Variants in DUOX2 observed in about 807,000 individuals in gnomAD.
The protein encoded by DUOX2 is dual oxidase 2.
In DUOX2, 185 loss-of-function variants were observed where a neutral mutation model predicts 183.3. The observed-to-expected ratio is 1.01, with a 90% CI of 0.90 to 1.14. The LOEUF (loss-of-function observed/expected upper bound fraction) is 1.14, where lower values mean the gene tolerates loss of function less well. Ranked by LOEUF, DUOX2 falls within the 50% of genes most tolerant of loss-of-function variation. DUOX2 has a pLI of 0.00. For missense variants in DUOX2, 1,999 were observed against 2,022.9 expected, an observed-to-expected ratio of 0.99 and a Z score of 0.23; for synonymous variants, 788 against 812.4, an observed-to-expected ratio of 0.97 and a Z score of 0.51.
rs1162498631 is a variant in DUOX2 at position 45,104,048 on chromosome 15, G to C, written c.2566C>G (p.Pro856Ala). ...DILVVFMKGS[P>A]EDKSRLMFTM... is the part of the protein sequence containing the mutation. The stretch of plus-strand genomic sequence containing the variant: ...AACATTAGACGGGACTTATCCTCTG[G>C]GGAGCCTGGGAAGAAAAAAGGGAAT... The change falls in exon 20 of 34, where the codon CCA becomes GCA. Residue 856 changes from proline (P) to alanine (A), a missense_variant. By Grantham distance (27) the Pro-to-Ala change is conservative. Around this residue, in one of 3 missense-constraint regions of DUOX2, gnomAD observed 1,628 missense variants for 1,608.6 expected, o/e 1.01. Transcript: ENST00000389039. The C allele has an allele frequency of 6.2e-7, 1 of 1,613,966 alleles. No individual in the cohort carries two copies. The highest frequency in any genetic ancestry group is 8.5e-7 in the Non-Finnish European group (1 of 1,180,038).
intron 13 of DUOX2, 61 bp downstream of exon 13, chr15:45,107,986 A>T: frequency 6.2e-7 from 1 of 1,605,882 alleles, no homozygotes; most frequent in Non-Finnish European, 8.5e-7. Flanking sequence ...CTAAGGCTAG[A>T]CAGAGGGTCT....
chr15:45,106,062 C>A, intron 17 of DUOX2, 63 bp downstream of exon 17: 4 of 1,588,546 alleles, frequency 2.5e-6, no homozygotes, highest in Non-Finnish European at 3.4e-6. Context: ...ATAGGGTGGC[C>A]TCGCTTGTGA....
Position 45,112,897 on chromosome 15 carries a change from G to A in DUOX2, c.160+90C>T, listed in dbSNP as rs1268727090. 5 of 1,553,032 alleles carry A rather than the reference G, an allele frequency of 3.2e-6. No individual in the cohort carries two copies. In the South Asian group the frequency reaches 3.3e-5, roughly 10 times the overall value. On this transcript the variant is annotated intron_variant, in intron 3 of 33. Coordinates refer to ENST00000389039, the MANE Select transcript of DUOX2 (RefSeq NM_001363711.2). ...TGTAGGCAGCGGAGCTGCTGGGCGC[G>A]TGTTCCCCGCAGATTCCCCGCTCAG...
intron 21 of DUOX2, 52 bp downstream of exon 21, chr15:45,101,741 T>C (rs1393710928): frequency 1.2e-6 from 2 of 1,612,882 alleles, no homozygotes; most frequent in East Asian, 2.2e-5. Flanking sequence ...GGAACTCTCA[T>C]TTTGAGGACA....
Position 45,101,822 on chromosome 15 carries a change from C to G in DUOX2, c.2822G>C (p.Cys941Ser). 1.2e-6 allele frequency: 2 copies of G among 1,614,252 alleles called. No individual in the cohort carries two copies. The highest frequency in any genetic ancestry group is 8.5e-7 in the Non-Finnish European group (1 of 1,180,052). ...TCCACCTCCACCTCCACCTTTGACA[C>G]AGAGCTGCGTGAAGCGGAGCTCGCT... ...HDSELRFTQL[C>S]VKGGGGGGNG... The change falls in exon 21 of 34, where the codon TGT (cysteine) becomes TCT (serine). Residue 941 changes from cysteine to serine, a missense_variant. By Grantham distance (112) the Cys-to-Ser change is moderately radical (BLOSUM62 -1). This residue lies in a region of DUOX2 where 1,628 missense variants were observed against 1,608.6 expected (regional missense o/e 1.01). Transcript: ENST00000389039.
Position 45,106,189 on chromosome 15 carries a change from A to G in DUOX2, c.2084T>C (p.Leu695Pro). The change falls in exon 17 of 34, where the codon CTC becomes CCC. Residue 695 changes from leucine to proline, a missense_variant. Physicochemically the swap from Leu to Pro is moderately conservative, Grantham distance 98 (BLOSUM62 -3). Transcript: ENST00000389039. ...VQLQPLQQVN[L>P]ILSNNRGCRT... is the part of the protein sequence containing the mutation. ...GCATCCTCGGTTGTTGGACAGGATGAGGTTGACCTGCTGCAGAGGCTGCAG... is the reference window on the plus strand; with the variant it reads ...GCATCCTCGGTTGTTGGACAGGATGGGGTTGACCTGCTGCAGAGGCTGCAG... The G allele has an allele frequency of 6.2e-7, 1 of 1,614,190 alleles. No homozygotes were observed. The highest frequency in any genetic ancestry group is 2.2e-5 in the East Asian group (1 of 44,874).
chr15:45,100,079 C>G lies in DUOX2; in HGVS notation c.3155G>C (p.Cys1052Ser). Reference protein sequence around the residue: ...IVCVAIFSAICVGVFADRAYY... With the variant: ...IVCVAIFSAISVGVFADRAYY... ...AGCACGATCTGCAAACACGCCAACA[C>G]AGATGGCCGAGAAGATTGCCACACA... is the stretch of plus-strand genomic sequence containing the variant. Residue 1052 changes from cysteine (C) to serine (S), a missense_variant, in exon 24 of 34, where the codon TGT becomes TCT. By Grantham distance (112) the Cys-to-Ser change is moderately radical. Around this residue, in one of 3 missense-constraint regions of DUOX2, gnomAD observed 1,628 missense variants for 1,608.6 expected, o/e 1.01. Coordinates refer to ENST00000389039, the MANE Select transcript of DUOX2 (RefSeq NM_001363711.2). 1 of 1,614,256 alleles carries G rather than the reference C, an allele frequency of 6.2e-7. No individual in the cohort carries two copies. The highest frequency in any genetic ancestry group is 8.5e-7 in the Non-Finnish European group (1 of 1,180,054).
rs760374437 is a variant in DUOX2, at chr15:45,094,225, C to A, written c.4572G>T (p.Lys1524Asn). 6.8e-6 allele frequency: 11 copies of A among 1,614,008 alleles called. No individual in the cohort carries two copies. The South Asian group carries it at 9.9e-5, about 14-fold the overall frequency. The change falls in exon 34 of 34, where the codon AAG becomes AAT. Residue 1524 changes from lysine to asparagine, a missense_variant. By Grantham distance (94) the Lys-to-Asn change is moderately conservative. Around this residue, in one of 3 missense-constraint regions of DUOX2, gnomAD observed 1,628 missense variants for 1,608.6 expected, o/e 1.01. Coordinates refer to ENST00000389039, the MANE Select transcript of DUOX2 (RefSeq NM_001363711.2). ...VFSCGPPGMT[K>N]NVEKACQLVN... ...CGAGCTGACAGGCCTTCTCTACATT[C>A]TTGGTCATTCCTGGAGGGCCGCAGC... is the stretch of plus-strand genomic sequence containing the variant.
intron 21 of DUOX2, 113 bp from the exon 22 acceptor site, chr15:45,101,387 G>C: frequency 1.1e-6 from 1 of 939,008 alleles, no homozygotes; most frequent in Non-Finnish European, 1.7e-6. Flanking sequence ...TCTGACTCGA[G>C]TCCTGTTTCC....
intron 24 of DUOX2, 32 bp downstream of exon 24, chr15:45,100,018 C>T (rs756290628): frequency 1.9e-6 from 3 of 1,614,142 alleles, no homozygotes; most frequent in Non-Finnish European, 2.5e-6. Flanking sequence ...GAGCCTGCTC[C>T]CTACCCACTG....
In DUOX2 at chr15:45,104,414, T is replaced by C. The variant is rs80095330; in HGVS notation, c.2335-49A>G. Reference sequence around the variant, plus strand: ...GAGGGAAAGAGAAGGAGGTGAAGCCTATGCTGGAAGCAGTTCAGTGACCCT... The same window carrying C: ...GAGGGAAAGAGAAGGAGGTGAAGCCCATGCTGGAAGCAGTTCAGTGACCCT... On this transcript the variant is annotated intron_variant, in intron 18 of 33. Coordinates refer to ENST00000389039, the MANE Select transcript of DUOX2 (RefSeq NM_001363711.2). 6,830 of 1,591,072 alleles carry C rather than the reference T, an allele frequency of 4.3e-3. 324 individuals carry two copies. The African/African-American group carries it at 0.084, about 20-fold the overall frequency.
intron 20 of DUOX2, among the ~76,000 whole-genome samples, chr15:45,103,621 C>A (rs918645469): frequency 2.6e-5 from 4 of 152,042 alleles, no homozygotes; most frequent in Non-Finnish European, 5.9e-5. Context: ...CGGTGTTGGG[C>A]GTGCCGTAAA....
Position 45,105,796 on chromosome 15 carries a change from GC to G in DUOX2, c.2180del (p.Gly727AlafsTer23), listed in dbSNP as rs749427617. 13 of 1,614,200 alleles carry G rather than the reference GC, an allele frequency of 8.1e-6. No individual in the cohort carries two copies. In the East Asian group the frequency reaches 1.6e-4, roughly 19 times the overall value. On this transcript the variant is annotated frameshift_variant, in exon 18 of 34. Coordinates refer to ENST00000389039, the MANE Select transcript of DUOX2 (RefSeq NM_001363711.2). LOFTEE classifies it high-confidence loss of function. The stretch of plus-strand genomic sequence containing the variant: ...AGTCCCATAGCTGCTGCACAAAGGC[GC>G]CCCGTTCCTCTTCAGAACTAAACAG... ...VLLFSSEEERGAFVQQLWDFC... is the reference protein window; with the variant it reads ...VLLFSSEEERXAFVQQLWDFC...
At chr15:45,103,460 G>A (rs528885333) in intron 20 of DUOX2, among the ~76,000 whole-genome samples, 1 of 152,058 alleles carries the variant, frequency 6.6e-6, no homozygotes, top group African/African-American at 2.4e-5. Context: ...TTTTTTACCG[G>A]CACAACAAAA....
intron 18 of DUOX2, among the ~76,000 whole-genome samples, chr15:45,105,432 A>G (rs1894185852): frequency 6.6e-6 from 1 of 152,246 alleles, no homozygotes. Context: ...ACTGTTTTAT[A>G]GATGAGGAAA....
rs1010108130 is a variant in DUOX2 at position 45,093,932 on chromosome 15, T to A, written c.*218A>T. Reference sequence around the variant, plus strand: ...TGCCGTTGATAAACAGGTGGACTTATAATCATCATGCACTGCAATTGTAGA... The same window carrying A: ...TGCCGTTGATAAACAGGTGGACTTAAAATCATCATGCACTGCAATTGTAGA... On this transcript the variant is annotated 3_prime_UTR_variant, in exon 34 of 34. Transcript: ENST00000389039. 3.3e-6 allele frequency: 2 copies of A among 609,904 alleles called. No homozygotes were observed. The highest frequency in any genetic ancestry group is 3.7e-5 in the African/African-American group (2 of 53,998). The allele number at this position is 609,904 out of a possible 1,614,324, so 37.8% of individuals were successfully genotyped here.
At chr15:45,112,266 T>C (rs570529014) in intron 4 of DUOX2, among the ~76,000 whole-genome samples, 1 of 151,972 alleles carries the variant, frequency 6.6e-6, no homozygotes, top group South Asian at 2.1e-4. Context: ...AAACACACGG[T>C]GAGGAGAGCG....
At chr15:45,113,764 C>T (rs1196343896) in intron 1 of DUOX2, among the ~76,000 whole-genome samples, 1 of 152,144 alleles carries the variant, frequency 6.6e-6, no homozygotes, top group Non-Finnish European at 1.5e-5. Flanking sequence ...CCAATGTCTC[C>T]AATGTTTCAC....
chr15:45,109,190 C>A, intron 11 of DUOX2: 1 of 620,086 alleles, frequency 1.6e-6, no homozygotes. Flanking sequence ...TTCTAGTCAC[C>A]AAGCAGTAAA....
Sources: allele counts gnomAD v4.1 joint callset (sites outside exome capture counted in the v4.1 genomes callset), GRCh38; gene constraint gnomAD v4.1.1; regional missense constraint gnomAD v4.1.1; transcripts MANE v1.5; gene names NCBI Gene and HGNC (gene_info 2026-07-23, HGNC 2026-07-21).